TCF4: variants seen among roughly 807,000 people sequenced by gnomAD.
The protein encoded by TCF4 is transcription factor 4.
A neutral mutation model predicts 82.1 loss-of-function variants in TCF4; 3 were observed. That is an observed-to-expected ratio of 0.04 (90% CI 0.02 to 0.09). The LOEUF (loss-of-function observed/expected upper bound fraction) is 0.09. TCF4 is among the 10% of genes least tolerant of loss of function. The pLI is 1.00. For missense variants in TCF4, 518 were observed against 852.7 expected, an observed-to-expected ratio of 0.61 and a Z score of 4.89; for synonymous variants, 276 against 309.6, an observed-to-expected ratio of 0.89 and a Z score of 1.14.
chr18:55,608,832 T>C (rs77666019), intron 2 of TCF4, among the ~76,000 whole-genome samples: 5,550 of 152,194 alleles, frequency 0.036, 354 homozygotes, highest in African/African-American at 0.13. Context: ...CATTAATGTA[T>C]ACAAATGCCA....
At chr18:55,621,852 GTAT>G (rs1186854361) in intron 2 of TCF4, among the ~76,000 whole-genome samples, 6 of 81,498 alleles carry the variant, frequency 7.4e-5, no homozygotes, top group African/African-American at 2.7e-4. Context: ...TACAATGTAT[GTAT>G]TATATTATAT....
At position 55,322,092 on chromosome 18, in the gene TCF4, CTTTT is replaced by C. The variant is rs374155330; in HGVS notation, c.549+28263_549+28266del. ...GTCTTCACTTTTTTCTTTTTCTTTT[CTTTT>C]TTTTTTTCCTTTTTTTTTTTTTTTT... On this transcript the variant is annotated intron_variant, in intron 8 of 19. Coordinates refer to ENST00000354452, the MANE Select transcript of TCF4 (RefSeq NM_001083962.2). 5.7e-5 allele frequency: 54 copies of C among 945,132 alleles called. No homozygotes were observed. The African/African-American group carries it at 1.1e-3, about 18-fold the overall frequency. 58.5% of individuals were successfully genotyped at this position (945,132 alleles called of 1,614,324 possible). A position where few individuals can be genotyped will look rare whatever the true frequency, so the allele number is the denominator to read the frequency against.
intron 11 of TCF4, chr18:55,268,580 G>C (rs1283198916): frequency 6.6e-6 from 1 of 152,098 alleles, no homozygotes; most frequent in Admixed American, 6.6e-5. Context: ...GGAGTGGAGA[G>C]GCTGCGAGAT....
rs201450718 is a variant in TCF4 at position 55,446,685 on chromosome 18, A to G, written c.304+14334T>C. On this transcript the variant is annotated intron_variant, in intron 5 of 19. Coordinates refer to ENST00000354452, the MANE Select transcript of TCF4 (RefSeq NM_001083962.2). Reference sequence around the variant, plus strand: ...AGCAAGTGCCTGGTACACAGTGAGTACCCAAAAATCTTAGCCAGGCCAGGC... The same window carrying G: ...AGCAAGTGCCTGGTACACAGTGAGTGCCCAAAAATCTTAGCCAGGCCAGGC... Among the ~76,000 whole-genome samples, 3 of 152,136 alleles carry G rather than the reference A, an allele frequency of 2.0e-5. No individual in the cohort carries two copies. The East Asian group carries it at 5.8e-4, about 29-fold the overall frequency.
chr18:55,613,368 A>G (rs2097708986), intron 2 of TCF4, among the ~76,000 whole-genome samples: 2 of 152,148 alleles, frequency 1.3e-5, no homozygotes, highest in African/African-American at 4.8e-5. Context: ...ATGGAATCAT[A>G]CAGTGTATAT....
Position 55,270,007 on chromosome 18 carries a change from G to A in TCF4, c.790-44C>T, listed in dbSNP as rs370659835. 6.3e-5 allele frequency: 101 copies of A among 1,610,248 alleles called. 1 individual carries two copies. The highest frequency in any genetic ancestry group is 8.0e-5 in the Non-Finnish European group (94 of 1,177,412). On this transcript the variant is annotated intron_variant, in intron 10 of 19. Coordinates refer to ENST00000354452, the MANE Select transcript of TCF4 (RefSeq NM_001083962.2). ...AAAGGTGGCCATATTTAATCATAAG[G>A]TATTTAGTGAGTTATTTTCAAATAC...
intron 6 of TCF4, among the ~76,000 whole-genome samples, chr18:55,364,760 T>C (rs148181260): frequency 6.6e-6 from 1 of 152,336 alleles, no homozygotes; most frequent in African/African-American, 2.4e-5. Flanking sequence ...AAGGTCTATG[T>C]ATATGAGACA....
At chr18:55,426,212 T>C (rs1219648563) in intron 5 of TCF4, among the ~76,000 whole-genome samples, 1 of 151,684 alleles carries the variant, frequency 6.6e-6, no homozygotes, top group African/African-American at 2.4e-5. Context: ...AAATAATAAA[T>C]AAGTGAGAAC....
chr18:55,462,150 C>T (rs952328378), intron 4 of TCF4, among the ~76,000 whole-genome samples: 1 of 152,182 alleles, frequency 6.6e-6, no homozygotes, highest in South Asian at 2.1e-4. Context: ...AGGAAAACTA[C>T]CCCGTTCTCA....
chr18:55,320,135 A>T (rs2075131267), intron 8 of TCF4, among the ~76,000 whole-genome samples: 1 of 152,122 alleles, frequency 6.6e-6, no homozygotes, highest in Non-Finnish European at 1.5e-5. Flanking sequence ...AAAAGATAAT[A>T]GGCAAAAGTC....
rs9945278 is a variant in TCF4, at chr18:55,526,828, C to A, written c.145+58452G>T. ...ATTTTTCCAGGCAGTGTGCCTTAAC[C>A]TTTGCTGGGTCACAAAATCCTCTTG... On this transcript the variant is annotated intron_variant, in intron 3 of 19. Transcript: ENST00000354452. Among the ~76,000 whole-genome samples, 459 of 152,226 alleles carry A rather than the reference C, an allele frequency of 3.0e-3. 2 individuals carry two copies. Among genetic ancestry groups the A allele is most frequent in the African/African-American group, 0.011 (438 of 41,530 alleles).
intron 2 of TCF4, among the ~76,000 whole-genome samples, chr18:55,611,568 T>C (rs531906665): frequency 1.3e-5 from 2 of 152,292 alleles, no homozygotes; most frequent in South Asian, 2.1e-4. Context: ...AAGCATAACA[T>C]TGCTTTCCCC....
intron 5 of TCF4, among the ~76,000 whole-genome samples, chr18:55,429,637 T>C (rs1248987057): frequency 6.6e-6 from 1 of 151,680 alleles, no homozygotes; most frequent in Non-Finnish European, 1.5e-5. Context: ...GGTGGGCGCC[T>C]GTGGTCCCAG....
At chr18:55,546,176 A>G (rs927126782) in intron 3 of TCF4, among the ~76,000 whole-genome samples, 3 of 152,072 alleles carry the variant, frequency 2.0e-5, no homozygotes, top group African/African-American at 7.2e-5. Context: ...TCTCCACAAA[A>G]AAAATTTTTT....
chr18:55,408,980 A>G (rs927168980), intron 5 of TCF4, among the ~76,000 whole-genome samples: 11 of 152,206 alleles, frequency 7.2e-5, no homozygotes, highest in African/African-American at 2.7e-4. Flanking sequence ...AAAGGTCTCT[A>G]GGTACTTTAT....
At chr18:55,447,583 A>C (rs1056294187) in intron 5 of TCF4, among the ~76,000 whole-genome samples, 5 of 152,206 alleles carry the variant, frequency 3.3e-5, no homozygotes, top group Non-Finnish European at 5.9e-5. Context: ...TGAGTATTGA[A>C]GTTTATCATT....
At chr18:55,476,986 T>G (rs2096304686) in intron 3 of TCF4, among the ~76,000 whole-genome samples, 1 of 152,216 alleles carries the variant, frequency 6.6e-6, no homozygotes, top group African/African-American at 2.4e-5. Flanking sequence ...TACACAAACT[T>G]GCATTTCCTA....
chr18:55,416,484 C>T (rs994876550), intron 5 of TCF4, among the ~76,000 whole-genome samples: 13 of 152,130 alleles, frequency 8.5e-5, no homozygotes, highest in Non-Finnish European at 1.2e-4. Flanking sequence ...GGCTAAGAAG[C>T]GATTCCTAAA....
At chr18:55,445,291 G>A (rs2095506157) in intron 5 of TCF4, among the ~76,000 whole-genome samples, 1 of 151,942 alleles carries the variant, frequency 6.6e-6, no homozygotes, top group Non-Finnish European at 1.5e-5. Flanking sequence ...TTTTTATACT[G>A]CTATGAAGAA....
Sources: gnomAD v4.1 joint callset for allele counts (sites outside exome capture counted in the v4.1 genomes callset) on GRCh38, gnomAD v4.1.1 for gene constraint, MANE v1.5 for transcripts, NCBI Gene and HGNC (gene_info 2026-07-23, HGNC 2026-07-21) for gene names.